ATXN2: variants seen among roughly 807,000 people sequenced by gnomAD.
The protein encoded by ATXN2 is ataxin 2, also known as ataxin-2.
In ATXN2, 37 loss-of-function variants were observed where a neutral mutation model predicts 138.6. The ratio of observed to expected loss-of-function variants is 0.27; its 90% CI spans 0.21 to 0.35. The LOEUF is 0.35. Among genes scored for constraint, ATXN2 ranks in the 10% least tolerant of loss-of-function variants. ATXN2 has a pLI of 1.00. For synonymous variants in ATXN2, 549 were observed against 543.7 expected, an observed-to-expected ratio of 1.01 and a Z score of -0.13; for missense variants, 1,216 against 1,480.3, an observed-to-expected ratio of 0.82 and a Z score of 2.93.
intron 9 of ATXN2, 89 bp downstream of exon 9, chr12:111,518,160 A>G (rs1338532240): frequency 3.4e-6 from 4 of 1,182,296 alleles, no homozygotes; most frequent in African/African-American, 1.6e-5. Context: ...GTGCACATTC[A>G]TATCAGTTAT....
Position 111,546,654 on chromosome 12 carries a change from GA to G in ATXN2, c.571+5625del. ...CAGGAAGAGCAGAAAGAAAATGAAGGAAAAAAATAGAGGAGAAAGGAATACT... is the reference window on the plus strand; with the variant it reads ...CAGGAAGAGCAGAAAGAAAATGAAGGAAAAAATAGAGGAGAAAGGAATACT... On this transcript the variant is annotated intron_variant, in intron 5 of 24. Transcript: ENST00000673436. Among the ~76,000 whole-genome samples the G allele has an allele frequency of 2.6e-5, 4 of 151,680 alleles. No homozygotes were observed. The South Asian group carries it at 8.4e-4, about 32-fold the overall frequency.
chr12:111,578,052 C>A (rs887645041), intron 1 of ATXN2, among the ~76,000 whole-genome samples: 1 of 152,058 alleles, frequency 6.6e-6, no homozygotes, highest in Non-Finnish European at 1.5e-5. Flanking sequence ...CAAAAATTAG[C>A]CAGGTGTGGT....
At chr12:111,589,438 T>TC in intron 1 of ATXN2, among the ~76,000 whole-genome samples, 1 of 152,222 alleles carries the variant, frequency 6.6e-6, no homozygotes, top group East Asian at 1.9e-4. Flanking sequence ...TTCAAGGCCA[T>TC]CCTGGGCAAC....
At chr12:111,518,769 T>C (rs187889252) in intron 8 of ATXN2, among the ~76,000 whole-genome samples, 66 of 152,204 alleles carry the variant, frequency 4.3e-4, no homozygotes, top group Non-Finnish European at 8.1e-4. Flanking sequence ...CTGAGATCTC[T>C]TCTCTCACTG....
chr12:111,495,660 C>T (rs1257910328), intron 14 of ATXN2, among the ~76,000 whole-genome samples: 1 of 152,200 alleles, frequency 6.6e-6, no homozygotes, highest in Non-Finnish European at 1.5e-5. Context: ...CAACACCCCA[C>T]TCTCAGCAAT....
In ATXN2 at chr12:111,472,110, C is replaced by T. The variant is rs557328722; in HGVS notation, c.2525-1368G>A. ...GGAGACACTGCCTCCACAAAAAATA[C>T]AAAAATATTAGCCAGCTGCGGTGCT... On this transcript the variant is annotated intron_variant, in intron 18 of 24. Transcript: ENST00000673436. Among the ~76,000 whole-genome samples the T allele has an allele frequency of 3.9e-5, 6 of 152,148 alleles. No homozygotes were observed. In the East Asian group the frequency reaches 7.8e-4, roughly 20 times the overall value.
At chr12:111,461,685 G>A (rs1033837116) in intron 21 of ATXN2, among the ~76,000 whole-genome samples, 8 of 151,620 alleles carry the variant, frequency 5.3e-5, no homozygotes, top group African/African-American at 1.9e-4. Context: ...AGGAACCAGG[G>A]GCCGAGGTAG....
intron 1 of ATXN2, among the ~76,000 whole-genome samples, chr12:111,596,410 TC>T (rs1273642858): frequency 1.3e-5 from 2 of 152,180 alleles, no homozygotes; most frequent in East Asian, 3.8e-4. Context: ...ATGAAATGTT[TC>T]TTAAAGCAGA....
At chr12:111,509,868 T>C (rs749258391) in intron 13 of ATXN2, 23 bp downstream of exon 13, 41 of 1,531,676 alleles carry the variant, frequency 2.7e-5, no homozygotes, top group Non-Finnish European at 3.5e-5. Context: ...ACAGTTAAGC[T>C]TAATGACTCT....
intron 6 of ATXN2, among the ~76,000 whole-genome samples, chr12:111,524,979 A>T (rs1400231912): frequency 6.6e-6 from 1 of 152,246 alleles, no homozygotes; most frequent in East Asian, 1.9e-4. Flanking sequence ...CCACAAGAAC[A>T]GACAGTACTC....
At chr12:111,525,064 A>T in intron 6 of ATXN2, 128 bp downstream of exon 6, 1 of 1,255,750 alleles carries the variant, frequency 8.0e-7, no homozygotes, top group Non-Finnish European at 1.1e-6. Context: ...CTAGTTATAC[A>T]ACAAACCTGC....
At chr12:111,491,272 T>C (rs904712841) in intron 14 of ATXN2, among the ~76,000 whole-genome samples, 1 of 152,034 alleles carries the variant, frequency 6.6e-6, no homozygotes, top group Non-Finnish European at 1.5e-5. Context: ...AAAAGAATCT[T>C]AATTTTGGTA....
chr12:111,493,691 C>T (rs918071299), intron 14 of ATXN2, among the ~76,000 whole-genome samples: 3 of 151,628 alleles, frequency 2.0e-5, no homozygotes, highest in South Asian at 2.1e-4. Context: ...GGCAGTGGCG[C>T]GATCTCGGCT....
chr12:111,590,855 T>C (rs1884621233), intron 1 of ATXN2, among the ~76,000 whole-genome samples: 1 of 152,052 alleles, frequency 6.6e-6, no homozygotes, highest in African/African-American at 2.4e-5. Flanking sequence ...ATGCTCTTTA[T>C]GAGAATCTAA....
rs950350818 is a variant in ATXN2 at position 111,509,859 on chromosome 12, C to G, written c.1864+32G>C. 50 of 1,475,020 alleles carry G rather than the reference C, an allele frequency of 3.4e-5. 1 individual carries two copies. The highest frequency in any genetic ancestry group is 1.9e-6 in the Non-Finnish European group (2 of 1,057,982). 91.4% of individuals were successfully genotyped at this position (1,475,020 alleles called of 1,614,324 possible). ...TTAGACATACTTCTTCCTATTCCTACAGTTAAGCTTAATGACTCTTTAAAC... is the reference window on the plus strand; with the variant it reads ...TTAGACATACTTCTTCCTATTCCTAGAGTTAAGCTTAATGACTCTTTAAAC... On this transcript the variant is annotated intron_variant, in intron 13 of 24. Coordinates refer to ENST00000673436, the MANE Select transcript of ATXN2 (RefSeq NM_001372574.1).
At chr12:111,567,620 C>A (rs1339167529) in intron 1 of ATXN2, among the ~76,000 whole-genome samples, 1 of 152,046 alleles carries the variant, frequency 6.6e-6, no homozygotes, top group Non-Finnish European at 1.5e-5. Flanking sequence ...TCGAGACCAG[C>A]CTGGCCAATA....
At chr12:111,599,428 G>C, upstream of ATXN2, 1 of 1,183,210 alleles carries the variant, frequency 8.5e-7, no homozygotes, top group Non-Finnish European at 1.0e-6. Context: ...GCTGGAGCGA[G>C]CGCCACCCGG....
At chr12:111,566,402 C>T (rs1755635035) in intron 1 of ATXN2, among the ~76,000 whole-genome samples, 1 of 150,062 alleles carries the variant, frequency 6.7e-6, no homozygotes, top group South Asian at 2.1e-4. Context: ...CCACTGCACT[C>T]CAGCCTGGGT....
chr12:111,475,698 A>AT (rs1405315014), intron 18 of ATXN2, among the ~76,000 whole-genome samples: 2 of 151,766 alleles, frequency 1.3e-5, no homozygotes, highest in African/African-American at 2.4e-5. Context: ...AAGGCAACTG[A>AT]TTTTTTTAGT....
Sources: gnomAD v4.1 joint callset for allele counts (sites outside exome capture counted in the v4.1 genomes callset) on GRCh38, gnomAD v4.1.1 for gene constraint, MANE v1.5 for transcripts, NCBI Gene and HGNC (gene_info 2026-07-23, HGNC 2026-07-21) for gene names.